FHIT: variants seen among roughly 807,000 people sequenced by gnomAD.
FHIT encodes fragile histidine triad diadenosine triphosphatase.
Under a neutral mutation model 17.9 loss-of-function variants are expected in FHIT, and 19 were observed. The ratio of observed to expected loss-of-function variants is 1.06; its 90% CI spans 0.74 to 1.56. FHIT has a LOEUF of 1.56. Among genes scored for constraint, FHIT ranks in the 40% most tolerant of loss-of-function variants. The pLI, the probability that FHIT is intolerant of heterozygous loss-of-function variation, is 0.00. For synonymous variants in FHIT, 81 were observed against 69.7 expected, an observed-to-expected ratio of 1.16 and a Z score of -0.81; for missense variants, 248 against 189.2, an observed-to-expected ratio of 1.31 and a Z score of -1.82.
At chr3:60,936,425 T>C (rs533630570) in intron 3 of FHIT, among the ~76,000 whole-genome samples, 7 of 152,336 alleles carry the variant, frequency 4.6e-5, no homozygotes, top group African/African-American at 1.7e-4. Context: ...TGTTAAAGAT[T>C]TGAGATATGC....
chr3:60,382,886 C>T (rs1364757456), intron 5 of FHIT, among the ~76,000 whole-genome samples: 3 of 152,116 alleles, frequency 2.0e-5, no homozygotes, highest in Admixed American at 6.5e-5. Flanking sequence ...AATCTTTTTC[C>T]CCAAACACTG....
chr3:60,589,723 A>G (rs1467385074), intron 4 of FHIT, among the ~76,000 whole-genome samples: 2 of 152,054 alleles, frequency 1.3e-5, no homozygotes, highest in Non-Finnish European at 1.5e-5. Context: ...ACTTCTATTA[A>G]TAGTATATGA....
At chr3:60,815,558 T>C (rs1701713375) in intron 4 of FHIT, among the ~76,000 whole-genome samples, 1 of 152,182 alleles carries the variant, frequency 6.6e-6, no homozygotes, top group Non-Finnish European at 1.5e-5. Flanking sequence ...TGCAGCTTTA[T>C]TTCTGGGTTC....
intron 3 of FHIT, among the ~76,000 whole-genome samples, chr3:60,916,568 C>T (rs1553767142): frequency 1.3e-5 from 2 of 152,230 alleles, no homozygotes; most frequent in Non-Finnish European, 2.9e-5. Flanking sequence ...CATCACCATC[C>T]TCACTGTGGT....
chr3:61,150,144 G>T (rs2037344381), intron 2 of FHIT, among the ~76,000 whole-genome samples: 1 of 152,008 alleles, frequency 6.6e-6, no homozygotes, highest in South Asian at 2.1e-4. Context: ...AACTTTCCTT[G>T]GACTCATGGA....
intron 4 of FHIT, among the ~76,000 whole-genome samples, chr3:60,675,962 T>C (rs2040612821): frequency 3.3e-5 from 5 of 152,170 alleles, no homozygotes; most frequent in Admixed American, 3.3e-4. Flanking sequence ...AACAGCAAAA[T>C]ACAATGCCTG....
At chr3:59,959,164 T>C (rs1176823521) in intron 7 of FHIT, among the ~76,000 whole-genome samples, 1 of 152,176 alleles carries the variant, frequency 6.6e-6, no homozygotes, top group African/African-American at 2.4e-5. Context: ...AATGGTCCCA[T>C]GTCCTGTTCT....
intron 3 of FHIT, among the ~76,000 whole-genome samples, chr3:61,033,911 T>C (rs2033122016): frequency 6.6e-6 from 1 of 152,188 alleles, no homozygotes; most frequent in Non-Finnish European, 1.5e-5. Context: ...ACCAACATTC[T>C]TTCTACTATA....
intron 5 of FHIT, among the ~76,000 whole-genome samples, chr3:60,159,875 C>T (rs1033996424): frequency 6.6e-6 from 1 of 152,156 alleles, no homozygotes; most frequent in East Asian, 1.9e-4. Context: ...TCACACTCAA[C>T]AGCGGCTCCA....
chr3:60,287,593 C>G (rs756752927), intron 5 of FHIT, among the ~76,000 whole-genome samples: 1 of 152,196 alleles, frequency 6.6e-6, no homozygotes, highest in Admixed American at 6.5e-5. Context: ...TAAATTTTAC[C>G]TGGTGTTTTT....
At chr3:60,517,435 TA>T (rs67845959) in intron 5 of FHIT, among the ~76,000 whole-genome samples, 50,646 of 151,874 alleles carry the variant, frequency 0.33, 8,765 homozygotes, top group African/African-American at 0.42. Flanking sequence ...CATAGGATAC[TA>T]AGTAGCTACT....
At chr3:60,907,974 G>C (rs1366123649) in intron 3 of FHIT, among the ~76,000 whole-genome samples, 1 of 152,164 alleles carries the variant, frequency 6.6e-6, no homozygotes, top group Non-Finnish European at 1.5e-5. Flanking sequence ...GGAATTTGAA[G>C]TTAATAAATT....
intron 8 of FHIT, among the ~76,000 whole-genome samples, chr3:59,895,359 T>A (rs1161773353): frequency 1.3e-5 from 2 of 152,212 alleles, no homozygotes; most frequent in East Asian, 1.9e-4. Flanking sequence ...TTAATTTTTG[T>A]GGAGTGAATG....
intron 5 of FHIT, among the ~76,000 whole-genome samples, chr3:60,031,332 A>G (rs1700991419): frequency 6.6e-6 from 1 of 152,208 alleles, no homozygotes; most frequent in Admixed American, 6.5e-5. Flanking sequence ...AAGAAAATCA[A>G]AGAAAAGAGA....
At chr3:61,062,234 G>C (rs939549913) in intron 2 of FHIT, among the ~76,000 whole-genome samples, 1 of 151,970 alleles carries the variant, frequency 6.6e-6, no homozygotes, top group Admixed American at 6.6e-5. Context: ...CCCTGATTTT[G>C]CCCATAGTGC....
intron 4 of FHIT, among the ~76,000 whole-genome samples, chr3:60,780,720 G>A (rs1242496211): frequency 4.6e-5 from 7 of 152,110 alleles, no homozygotes; most frequent in African/African-American, 7.2e-5. Flanking sequence ...TAATCTAAAC[G>A]GCAGCTGGAT....
At chr3:60,486,728 CA>C (rs1474145305) in intron 5 of FHIT, among the ~76,000 whole-genome samples, 1 of 152,126 alleles carries the variant, frequency 6.6e-6, no homozygotes, top group Admixed American at 6.6e-5. Context: ...TTCTCCTTAT[CA>C]AAAAGACATG....
chr3:59,945,157 C>T (rs1380698224), intron 7 of FHIT, among the ~76,000 whole-genome samples: 1 of 152,114 alleles, frequency 6.6e-6, no homozygotes, highest in Non-Finnish European at 1.5e-5. Flanking sequence ...ATAAGCAGTC[C>T]CCTTCCTCCA....
At chr3:60,857,547 TCATCCCAG>T (rs1553750282) in intron 3 of FHIT, among the ~76,000 whole-genome samples, 49 of 152,048 alleles carry the variant, frequency 3.2e-4, no homozygotes, top group African/African-American at 1.1e-3. Flanking sequence ...TGGAAAGCTT[TCATCCCAG>T]TGCTTGCCAC....
Sources: gnomAD v4.1 joint callset for allele counts (sites outside exome capture counted in the v4.1 genomes callset) on GRCh38, gnomAD v4.1.1 for gene constraint, MANE v1.5 for transcripts, NCBI Gene and HGNC (gene_info 2026-07-23, HGNC 2026-07-21) for gene names.